ARL15: variants seen among roughly 807,000 people sequenced by gnomAD.
The protein encoded by ARL15 is ADP-ribosylation factor-like protein 15.
A neutral mutation model predicts 25.2 loss-of-function variants in ARL15; 19 were observed. That is an observed-to-expected ratio of 0.75 (90% confidence interval 0.53 to 1.10). ARL15 has a LOEUF of 1.10. Among genes scored for constraint, ARL15 ranks in the 50% least tolerant of loss-of-function variants. The pLI is 0.00. For synonymous variants in ARL15, 94 were observed against 86.8 expected, an observed-to-expected ratio of 1.08 and a Z score of -0.46; for missense variants, 220 against 246.0, an observed-to-expected ratio of 0.89 and a Z score of 0.71.
intron 4 of ARL15, among the ~76,000 whole-genome samples, chr5:54,059,977 A>C (rs1751011741): frequency 6.6e-6 from 1 of 151,958 alleles, no homozygotes; most frequent in African/African-American, 2.4e-5. Context: ...TTAATAACTG[A>C]TACCCTCTAT....
At chr5:54,073,328 C>T (rs1397268922) in intron 4 of ARL15, among the ~76,000 whole-genome samples, 1 of 152,198 alleles carries the variant, frequency 6.6e-6, no homozygotes, top group Non-Finnish European at 1.5e-5. Context: ...AACTTTCCAG[C>T]TCTTCGTAAG....
At chr5:54,132,803 G>A (rs7700963) in intron 3 of ARL15, among the ~76,000 whole-genome samples, 3,815 of 152,172 alleles carry the variant, frequency 0.025, 135 homozygotes, top group African/African-American at 0.081. Flanking sequence ...CAGTGAGAAC[G>A]ACCAGAGGTC....
At chr5:53,994,963 C>G (rs551445770) in intron 4 of ARL15, among the ~76,000 whole-genome samples, 4 of 152,290 alleles carry the variant, frequency 2.6e-5, no homozygotes, top group African/African-American at 9.6e-5. Flanking sequence ...GCATAAGCCA[C>G]CGTACCTGGT....
chr5:53,929,515 T>C (rs1223828754), intron 4 of ARL15, among the ~76,000 whole-genome samples: 1 of 152,234 alleles, frequency 6.6e-6, no homozygotes, highest in Non-Finnish European at 1.5e-5. Context: ...ATTATACATA[T>C]TTTTACCAAT....
chr5:54,003,005 A>G (rs543236044), intron 4 of ARL15, among the ~76,000 whole-genome samples: 1 of 152,322 alleles, frequency 6.6e-6, no homozygotes, highest in East Asian at 1.9e-4. Context: ...ACGATTGGCC[A>G]TTAGTAGTAG....
chr5:54,033,351 G>A lies in ARL15; in HGVS notation c.462+79851C>T, dbSNP rs375706180. Reference sequence around the variant, plus strand: ...TACAGACTGTACCAGATAGTGCTTAGAAAATGTTTGCTTAATCTATCAAAA... The same window carrying A: ...TACAGACTGTACCAGATAGTGCTTAAAAAATGTTTGCTTAATCTATCAAAA... On this transcript the variant is annotated intron_variant, in intron 4 of 4. Coordinates refer to ENST00000504924, the MANE Select transcript of ARL15 (RefSeq NM_019087.3). Among the ~76,000 whole-genome samples, 15 of 151,938 alleles carry A rather than the reference G, an allele frequency of 9.9e-5. No homozygotes were observed. The East Asian group carries it at 2.5e-3, about 26-fold the overall frequency.
chr5:54,033,027 TAA>T (rs774182868), intron 4 of ARL15, among the ~76,000 whole-genome samples: 46 of 140,792 alleles, frequency 3.3e-4, no homozygotes, highest in Non-Finnish European at 3.1e-4. Context: ...TATATAAGGT[TAA>T]AAAAAAAAAA....
At chr5:53,951,161 A>G (rs542260047) in intron 4 of ARL15, among the ~76,000 whole-genome samples, 1 of 152,226 alleles carries the variant, frequency 6.6e-6, no homozygotes, top group Non-Finnish European at 1.5e-5. Flanking sequence ...TTGTTTATAT[A>G]TTGTCTATTG....
At chr5:54,212,472 G>A (rs981715) in intron 1 of ARL15, among the ~76,000 whole-genome samples, 25,113 of 151,930 alleles carry the variant, frequency 0.17, 2,503 homozygotes, top group Admixed American at 0.29. Flanking sequence ...AGTCAGAACC[G>A]AGCAACACAG....
At chr5:53,953,528 C>A (rs115736417) in intron 4 of ARL15, among the ~76,000 whole-genome samples, 1 of 152,020 alleles carries the variant, frequency 6.6e-6, no homozygotes, top group Non-Finnish European at 1.5e-5. Flanking sequence ...AAATTTATTA[C>A]GCAAAATTTA....
At chr5:53,938,759 G>A (rs561839477) in intron 4 of ARL15, among the ~76,000 whole-genome samples, 117 of 152,278 alleles carry the variant, frequency 7.7e-4, no homozygotes, top group Middle Eastern at 3.4e-3. Context: ...TAGGAGAATC[G>A]CTTGAACCTG....
At chr5:54,000,188 C>T (rs1407741589) in intron 4 of ARL15, among the ~76,000 whole-genome samples, 1 of 152,126 alleles carries the variant, frequency 6.6e-6, no homozygotes, top group Non-Finnish European at 1.5e-5. Flanking sequence ...TCCAGCAAGG[C>T]TTTTAGGCCA....
At chr5:54,011,378 T>G (rs555279182) in intron 4 of ARL15, among the ~76,000 whole-genome samples, 17 of 152,228 alleles carry the variant, frequency 1.1e-4, no homozygotes, top group Non-Finnish European at 2.1e-4. Flanking sequence ...GTGCATTTCT[T>G]AAAATGAGCA....
intron 4 of ARL15, chr5:54,075,390 A>G (rs916997638): frequency 7.2e-5 from 11 of 153,492 alleles, no homozygotes; most frequent in Non-Finnish European, 1.6e-4. Context: ...TTTTTCTATC[A>G]CGGTCATTTA....
intron 1 of ARL15, among the ~76,000 whole-genome samples, chr5:54,267,346 C>T (rs1370218740): frequency 2.6e-5 from 4 of 152,206 alleles, no homozygotes; most frequent in African/African-American, 9.6e-5. Context: ...CCACCTCAAC[C>T]TCCCAAAGTG....
At chr5:54,074,606 A>T (rs956248005) in intron 4 of ARL15, among the ~76,000 whole-genome samples, 2 of 152,248 alleles carry the variant, frequency 1.3e-5, no homozygotes, top group African/African-American at 2.4e-5. Context: ...TTCCCTGATG[A>T]AATAAATAAA....
chr5:53,928,113 A>C (rs1746090668), intron 4 of ARL15, among the ~76,000 whole-genome samples: 1 of 152,164 alleles, frequency 6.6e-6, no homozygotes, highest in South Asian at 2.1e-4. Context: ...GACGGTAACT[A>C]ACGTTACTGG....
rs1309693855 is a variant in ARL15 at position 53,885,256 on chromosome 5, G to A, written c.*1305C>T. On this transcript the variant is annotated 3_prime_UTR_variant, in exon 5 of 5. Transcript: ENST00000504924. Reference sequence around the variant, plus strand: ...CCACTTAGTATTTTAAGTGGTCAAAGTCTACAAAGTATGCCAAAGAATATT... The same window carrying A: ...CCACTTAGTATTTTAAGTGGTCAAAATCTACAAAGTATGCCAAAGAATATT... The A allele has an allele frequency of 6.6e-6, 1 of 152,536 alleles. No individual in the cohort carries two copies. Among genetic ancestry groups the A allele is most frequent in the Non-Finnish European group, 1.5e-5 (1 of 68,012 alleles). 9.4% of individuals were successfully genotyped at this position (152,536 alleles called of 1,614,324 possible).
chr5:54,244,867 T>A (rs1391910441), intron 1 of ARL15, among the ~76,000 whole-genome samples: 1 of 152,122 alleles, frequency 6.6e-6, no homozygotes, highest in South Asian at 2.1e-4. Context: ...ACTGGTGTTT[T>A]CAGCATTTTT....
Sources: allele counts gnomAD v4.1 joint callset (sites outside exome capture counted in the v4.1 genomes callset), GRCh38; gene constraint gnomAD v4.1.1; transcripts MANE v1.5; gene names NCBI Gene and HGNC (gene_info 2026-07-23, HGNC 2026-07-21).